The following PUS10 variants were observed in gnomAD, a reference collection of about 807,000 sequenced individuals.
PUS10 encodes the protein pseudouridine synthase 10, also known as tRNA pseudouridine synthase Pus10.
In PUS10, 59 loss-of-function variants were observed where a neutral mutation model predicts 75.0. The observed-to-expected ratio is 0.79, with a 90% CI of 0.64 to 0.98. The LOEUF is 0.98. Ranked by LOEUF, PUS10 falls within the 50% of genes least tolerant of loss-of-function variation. The probability of loss-of-function intolerance (pLI) is 0.00; values close to 1 mark genes in which losing one functional copy is unlikely to be tolerated. For synonymous variants in PUS10, 219 were observed against 211.6 expected (o/e 1.03, Z -0.30); for missense variants, 650 against 614.4 (o/e 1.06, Z -0.61).
intron 4 of PUS10, among the ~76,000 whole-genome samples, chr2:60,994,078 C>T (rs1236230323): frequency 4.6e-5 from 7 of 151,472 alleles, no homozygotes; most frequent in African/African-American, 1.2e-4. Context: ...CGTGAGCCAC[C>T]GCGCCCGGCC....
chr2:61,017,130 T>G (rs1680046155), intron 1 of PUS10: 1 of 152,368 alleles, frequency 6.6e-6, no homozygotes, highest in Non-Finnish European at 1.5e-5. Flanking sequence ...CAGTCTGCAC[T>G]CCTTCACCTC....
intron 11 of PUS10, among the ~76,000 whole-genome samples, chr2:60,956,208 T>G (rs1202570034): frequency 6.6e-6 from 1 of 152,214 alleles, no homozygotes; most frequent in African/African-American, 2.4e-5. Context: ...CCCTTCTGTG[T>G]TTACACTCCA....
chr2:61,003,190 G>A (rs1353479634), intron 4 of PUS10, among the ~76,000 whole-genome samples: 5 of 152,116 alleles, frequency 3.3e-5, no homozygotes, highest in South Asian at 2.1e-4. Context: ...GGCCGGGAGC[G>A]GTGGCTCACA....
At chr2:60,944,208 C>T in intron 17 of PUS10, 2 of 984,588 alleles carry the variant, frequency 2.0e-6, no homozygotes, top group Non-Finnish European at 2.4e-6. Context: ...ACTGAAGAGG[C>T]TCCCTGCAAC....
At chr2:61,007,705 G>A (rs1272890761) in intron 3 of PUS10, among the ~76,000 whole-genome samples, 3 of 141,126 alleles carry the variant, frequency 2.1e-5, no homozygotes, top group Non-Finnish European at 4.6e-5. Flanking sequence ...GGAGGCGGAG[G>A]TTGTAGTGAG....
At chr2:60,975,973 G>A (rs1677012003) in intron 4 of PUS10, among the ~76,000 whole-genome samples, 1 of 152,066 alleles carries the variant, frequency 6.6e-6, no homozygotes, top group Admixed American at 6.5e-5. Flanking sequence ...TGTTGGCCAG[G>A]CTGGTCTGAA....
chr2:60,982,540 G>A (rs1159202759), intron 4 of PUS10, among the ~76,000 whole-genome samples: 1 of 152,126 alleles, frequency 6.6e-6, no homozygotes, highest in African/African-American at 2.4e-5. Context: ...TGGGATTACA[G>A]GCGTGAGCCA....
intron 16 of PUS10, among the ~76,000 whole-genome samples, chr2:60,947,406 A>C (rs927273069): frequency 1.3e-5 from 2 of 152,250 alleles, no homozygotes; most frequent in East Asian, 3.8e-4. Flanking sequence ...AAAAATGTCA[A>C]GACAGCAAAT....
In PUS10 at chr2:60,953,904, G is replaced by T. The variant is rs777626751; in HGVS notation, c.1190+29C>A. 7 of 1,599,228 alleles carry T rather than the reference G, an allele frequency of 4.4e-6. No homozygotes were observed. The Admixed American group carries it at 1.2e-4, about 27-fold the overall frequency. On this transcript the variant is annotated intron_variant, in intron 14 of 17. Transcript: ENST00000316752. ...GACCTGCAACTAAAACGTCCCTTTT[G>T]AAATCATCTCCAATGAGCCTACTCT...
chr2:60,988,716 A>C (rs532720915), intron 4 of PUS10, among the ~76,000 whole-genome samples: 1 of 152,100 alleles, frequency 6.6e-6, no homozygotes, highest in African/African-American at 2.4e-5. Flanking sequence ...GCTCACTGCA[A>C]CCTCTGCCTC....
chr2:61,017,810 T>TCCGGGAGCCGGA lies in PUS10; in HGVS notation c.-16+186_-16+197dup, dbSNP rs1470266685. ...CCAAACCCTGGGAGACCCGCCGAAT[T>TCCGGGAGCCGGA]CCGGGAGCCGGACCGGGACCAGGAC... On this transcript the variant is annotated intron_variant, in intron 1 of 17. Transcript: ENST00000316752. 8 of 1,550,564 alleles carry TCCGGGAGCCGGA rather than the reference T, an allele frequency of 5.2e-6. No individual in the cohort carries two copies. The highest frequency in any genetic ancestry group is 7.0e-6 in the Non-Finnish European group (8 of 1,146,864).
At chr2:60,964,153 T>C (rs1264200205) in intron 8 of PUS10, among the ~76,000 whole-genome samples, 1 of 152,216 alleles carries the variant, frequency 6.6e-6, no homozygotes, top group Non-Finnish European at 1.5e-5. Context: ...TGGAATGTTT[T>C]AGATGTGCCA....
chr2:61,017,709 C>G (rs1265810986), intron 1 of PUS10: 1 of 1,443,202 alleles, frequency 6.9e-7, no homozygotes, highest in African/African-American at 1.4e-5. Flanking sequence ...CTGGTCTACG[C>G]GGGCCTGGAC....
chr2:60,960,916 G>A (rs986846416), intron 10 of PUS10, among the ~76,000 whole-genome samples: 2 of 150,534 alleles, frequency 1.3e-5, no homozygotes, highest in Non-Finnish European at 2.9e-5. Context: ...AAGGCAGGTA[G>A]CTTTCATTGC....
chr2:60,992,560 A>T (rs891118036), intron 4 of PUS10, among the ~76,000 whole-genome samples: 2 of 152,158 alleles, frequency 1.3e-5, no homozygotes, highest in Non-Finnish European at 2.9e-5. Context: ...ACACATCATA[A>T]CACCCCAGCC....
chr2:61,008,117 G>A (rs996300347), intron 3 of PUS10, among the ~76,000 whole-genome samples: 1 of 152,028 alleles, frequency 6.6e-6, no homozygotes, highest in South Asian at 2.1e-4. Context: ...GCCGGGTACA[G>A]TGACTCACAC....
intron 11 of PUS10, among the ~76,000 whole-genome samples, chr2:60,959,352 T>G (rs909892298): frequency 6.6e-6 from 1 of 152,206 alleles, no homozygotes; most frequent in East Asian, 1.9e-4. Context: ...TAGTTTCAGT[T>G]GTTTTGAATT....
At position 60,940,843 on chromosome 2, in the gene PUS10, T is replaced by G. The variant is rs1674592834; in HGVS notation, c.*1552A>C. 1 of 152,358 alleles carries G rather than the reference T, an allele frequency of 6.6e-6. No individual in the cohort carries two copies. The highest frequency in any genetic ancestry group is 6.5e-5 in the Admixed American group (1 of 15,286). The allele number at this position is 152,358 out of a possible 1,614,324, so 9.4% of individuals were successfully genotyped here. On this transcript the variant is annotated 3_prime_UTR_variant, in exon 18 of 18. Transcript: ENST00000316752. Reference sequence around the variant, plus strand: ...TATCCTTTTCTCATTTTCTGGGCCTTTCAATGCATTGGCATTGACAAGAGT... The same window carrying G: ...TATCCTTTTCTCATTTTCTGGGCCTGTCAATGCATTGGCATTGACAAGAGT...
chr2:61,013,157 G>A (rs1393543829), intron 1 of PUS10, among the ~76,000 whole-genome samples: 1 of 151,712 alleles, frequency 6.6e-6, no homozygotes, highest in Non-Finnish European at 1.5e-5. Context: ...GAAGACCGAG[G>A]TGGGAGGATC....
Sources: allele counts gnomAD v4.1 joint callset (sites outside exome capture counted in the v4.1 genomes callset), GRCh38; gene constraint gnomAD v4.1.1; transcripts MANE v1.5; gene names NCBI Gene and HGNC (gene_info 2026-07-23, HGNC 2026-07-21).